The following LARGE1 variants were observed in gnomAD, a reference collection of about 807,000 sequenced individuals.
The protein encoded by LARGE1 is LARGE xylosyl- and glucuronyltransferase 1, also known as xylosyl- and glucuronyltransferase LARGE1.
A neutral mutation model predicts 87.6 loss-of-function variants in LARGE1; 43 were observed. The ratio of observed to expected loss-of-function variants is 0.49; its 90% CI spans 0.38 to 0.63. The LOEUF is 0.63. LARGE1 is among the 30% of genes least tolerant of loss of function. The probability of loss-of-function intolerance (pLI) is 0.00; values close to 1 mark genes in which losing one functional copy is unlikely to be tolerated. For synonymous variants in LARGE1, 434 were observed against 394.6 expected, an observed-to-expected ratio of 1.10 and a Z score of -1.18; for missense variants, 802 against 1,000.2, an observed-to-expected ratio of 0.80 and a Z score of 2.67.
At chr22:33,637,503 T>C (rs1413894565) in intron 3 of LARGE1, among the ~76,000 whole-genome samples, 3 of 152,110 alleles carry the variant, frequency 2.0e-5, no homozygotes, top group Admixed American at 1.3e-4. Context: ...GCCTCTCCTA[T>C]ACTGTGTCAG....
At chr22:33,584,764 C>T (rs1023547890) in intron 5 of LARGE1, among the ~76,000 whole-genome samples, 3 of 152,050 alleles carry the variant, frequency 2.0e-5, no homozygotes, top group African/African-American at 7.2e-5. Context: ...CTGGGTGTCT[C>T]GGAAAATCCT....
At chr22:33,826,215 A>C (rs1189191187) in intron 1 of LARGE1, among the ~76,000 whole-genome samples, 1 of 152,122 alleles carries the variant, frequency 6.6e-6, no homozygotes. Flanking sequence ...CAGGGAAAAC[A>C]CATCTATTAC....
intron 11 of LARGE1, among the ~76,000 whole-genome samples, chr22:33,305,844 CT>C (rs111657762): frequency 1.8e-3 from 253 of 136,834 alleles, no homozygotes; most frequent in Middle Eastern, 3.8e-3. Flanking sequence ...TTTTCTTTTT[CT>C]TTTTTTTTTT....
chr22:33,919,017 A>T (rs1260570413), intron 1 of LARGE1, among the ~76,000 whole-genome samples: 1 of 151,722 alleles, frequency 6.6e-6, no homozygotes, highest in African/African-American at 2.4e-5. Context: ...CCCTCAGGAG[A>T]TCATTTTAAT....
chr22:33,220,667 G>A (rs1925415466), intron 11 of LARGE1, among the ~76,000 whole-genome samples: 1 of 152,174 alleles, frequency 6.6e-6, no homozygotes, highest in South Asian at 2.1e-4. Context: ...GTTTTAAATT[G>A]CCTGAGCACG....
At chr22:33,179,800 C>G (rs1306744262) in intron 11 of LARGE1, among the ~76,000 whole-genome samples, 1 of 152,144 alleles carries the variant, frequency 6.6e-6, no homozygotes, top group African/African-American at 2.4e-5. Context: ...AATACAATTT[C>G]CTCCTTACTG....
At chr22:33,530,220 T>C (rs2072128507) in intron 6 of LARGE1, among the ~76,000 whole-genome samples, 1 of 152,104 alleles carries the variant, frequency 6.6e-6, no homozygotes, top group Non-Finnish European at 1.5e-5. Flanking sequence ...ATCTTGCAAC[T>C]ATGAAGTGGA....
intron 12 of LARGE1, among the ~76,000 whole-genome samples, chr22:33,296,002 T>C (rs1410761262): frequency 1.3e-5 from 2 of 152,216 alleles, no homozygotes; most frequent in Non-Finnish European, 2.9e-5. Flanking sequence ...ATGATTGCCA[T>C]AGTTTACTGA....
At chr22:33,375,347 T>C (rs999183835) in intron 9 of LARGE1, among the ~76,000 whole-genome samples, 5 of 152,200 alleles carry the variant, frequency 3.3e-5, no homozygotes, top group Admixed American at 6.5e-5. Flanking sequence ...TACGGTAATA[T>C]GGTTATTTAT....
At chr22:33,467,083 T>G (rs1469979434) in intron 6 of LARGE1, among the ~76,000 whole-genome samples, 3 of 152,300 alleles carry the variant, frequency 2.0e-5, no homozygotes, top group Non-Finnish European at 2.9e-5. Context: ...TAGTTTTCAT[T>G]ACTTATAAAG....
At chr22:33,149,853 C>T in the LARGE1 span, among the ~76,000 whole-genome samples, 1 of 152,172 alleles carries the variant, frequency 6.6e-6, no homozygotes, top group African/African-American at 2.4e-5. Flanking sequence ...ATTTCAGAGC[C>T]AGCAATGCAT....
At chr22:33,253,634 C>A (rs1033229420) in intron 11 of LARGE1, among the ~76,000 whole-genome samples, 1 of 152,312 alleles carries the variant, frequency 6.6e-6, no homozygotes, top group East Asian at 1.9e-4. Flanking sequence ...ATCGCTTGAA[C>A]CCGGAAGGTG....
intron 5 of LARGE1, among the ~76,000 whole-genome samples, chr22:33,594,682 C>G (rs1700131273): frequency 6.6e-6 from 1 of 152,234 alleles, no homozygotes; most frequent in South Asian, 2.1e-4. Context: ...TCTCAGCTCA[C>G]TGCAACCTCC....
chr22:33,094,597 CT>C, the LARGE1 span, among the ~76,000 whole-genome samples: 379 of 146,898 alleles, frequency 2.6e-3, 1 homozygote, highest in South Asian at 4.5e-3. Flanking sequence ...TTCTTTCTTT[CT>C]TTTTTTTTTT....
chr22:33,789,246 G>A (rs2085746165), intron 1 of LARGE1, among the ~76,000 whole-genome samples: 2 of 152,234 alleles, frequency 1.3e-5, no homozygotes, highest in South Asian at 4.1e-4. Flanking sequence ...GTGCAAGGCT[G>A]AAGCCTTGGT....
chr22:33,120,362 CTTTCTTTCTTTCTTTCTTTCTTTCTT>C, the LARGE1 span, among the ~76,000 whole-genome samples: 4 of 83,040 alleles, frequency 4.8e-5, no homozygotes, highest in African/African-American at 2.3e-4. Flanking sequence ...CTTTCTTTTT[CTTTCTTTCTTTCTTTCTTTCTTTCTT>C]TCTTTCTTTC....
intron 7 of LARGE1, among the ~76,000 whole-genome samples, chr22:33,400,004 GA>G (rs1352315877): frequency 6.6e-6 from 1 of 152,208 alleles, no homozygotes; most frequent in Admixed American, 6.5e-5. Flanking sequence ...TAAATGATAA[GA>G]AAAACCCAAG....
At chr22:33,745,132 T>C (rs539266763) in intron 2 of LARGE1, among the ~76,000 whole-genome samples, 7 of 152,110 alleles carry the variant, frequency 4.6e-5, no homozygotes, top group African/African-American at 1.7e-4. Context: ...GCCAAGAAAA[T>C]ATGCAATCCA....
At chr22:33,454,686 G>A (rs1358858611) in intron 6 of LARGE1, among the ~76,000 whole-genome samples, 1 of 151,920 alleles carries the variant, frequency 6.6e-6, no homozygotes, top group Non-Finnish European at 1.5e-5. Context: ...AGGCTGTACA[G>A]GAAGCATGGC....
Sources: allele counts gnomAD v4.1 joint callset (sites outside exome capture counted in the v4.1 genomes callset), GRCh38; gene constraint gnomAD v4.1.1; transcripts MANE v1.5; gene names NCBI Gene and HGNC (gene_info 2026-07-23, HGNC 2026-07-21).